The following PLPPR1 variants were observed in gnomAD, a reference collection of about 807,000 sequenced individuals.
PLPPR1 encodes the protein phospholipid phosphatase-related protein type 1.
PLPPR1 carries 10 observed loss-of-function variants against 33.1 expected under a neutral mutation model. The observed-to-expected ratio is 0.30, with a 90% CI of 0.19 to 0.51. The LOEUF is 0.51. Ranked by LOEUF, PLPPR1 falls within the 20% of genes least tolerant of loss-of-function variation. The pLI is 0.97. For missense variants in PLPPR1, 304 were observed against 408.1 expected (o/e 0.74, Z 2.20); for synonymous variants, 151 against 151.0 (o/e 1.00, Z 0.00).
At chr9:101,124,484 G>A (rs1390353961) in intron 1 of PLPPR1, among the ~76,000 whole-genome samples, 1 of 152,142 alleles carries the variant, frequency 6.6e-6, no homozygotes. Flanking sequence ...CATGGGGATT[G>A]CACCTACATG....
At chr9:101,237,662 A>G in intron 2 of PLPPR1, among the ~76,000 whole-genome samples, 1 of 144,682 alleles carries the variant, frequency 6.9e-6, no homozygotes, top group Non-Finnish European at 1.5e-5. Context: ...CACACACAAA[A>G]TTCCATCATA....
chr9:101,196,636 C>G (rs531979951), intron 2 of PLPPR1, among the ~76,000 whole-genome samples: 3,207 of 152,138 alleles, frequency 0.021, 117 homozygotes, highest in African/African-American at 0.074. Flanking sequence ...CCGAGGCGGG[C>G]GGATCACGAG....
chr9:101,224,560 C>T (rs937745770), intron 2 of PLPPR1, among the ~76,000 whole-genome samples: 1 of 152,020 alleles, frequency 6.6e-6, no homozygotes, highest in East Asian at 1.9e-4. Flanking sequence ...GCCCTGAGGC[C>T]TAGGGTTGGG....
chr9:101,158,318 A>G (rs1336820650), intron 1 of PLPPR1, among the ~76,000 whole-genome samples: 1 of 152,296 alleles, frequency 6.6e-6, no homozygotes, highest in East Asian at 1.9e-4. Context: ...GTTTCATCAC[A>G]GTGAGGAAAG....
At chr9:101,301,508 T>C (rs1828751655) in intron 4 of PLPPR1, among the ~76,000 whole-genome samples, 1 of 152,188 alleles carries the variant, frequency 6.6e-6, no homozygotes, top group Non-Finnish European at 1.5e-5. Context: ...TTCAGATTAA[T>C]TGACTTTAAT....
intron 3 of PLPPR1, among the ~76,000 whole-genome samples, chr9:101,275,288 CACTA>C (rs1360550418): frequency 6.6e-6 from 1 of 152,208 alleles, no homozygotes; most frequent in Non-Finnish European, 1.5e-5. Flanking sequence ...TGCAGATGTG[CACTA>C]ATGACCCCAT....
chr9:101,173,559 C>T (rs1761670152), intron 1 of PLPPR1, among the ~76,000 whole-genome samples: 1 of 152,090 alleles, frequency 6.6e-6, no homozygotes, highest in African/African-American at 2.4e-5. Context: ...TACAACAAGG[C>T]CCTGAGGTAA....
intron 1 of PLPPR1, among the ~76,000 whole-genome samples, chr9:101,144,993 A>G (rs1270139052): frequency 1.3e-5 from 2 of 152,122 alleles, no homozygotes; most frequent in African/African-American, 4.8e-5. Context: ...CCATGGTGAG[A>G]AAGTCCAGAC....
intron 2 of PLPPR1, among the ~76,000 whole-genome samples, chr9:101,202,035 G>A (rs903889084): frequency 2.0e-4 from 30 of 152,304 alleles, no homozygotes; most frequent in African/African-American, 7.2e-4. Context: ...TCAAACACAA[G>A]ATGCAAAATA....
In PLPPR1 at chr9:101,108,024, A is replaced by ACACACTGGCCTGCGCC. The variant is rs778893296; in HGVS notation, c.-45-77422_-45-77407dup. On this transcript the variant is annotated intron_variant, in intron 1 of 7. Coordinates refer to ENST00000374874, the MANE Select transcript of PLPPR1 (RefSeq NM_207299.2). ...GCTTCGGCTCGCGCACGGTGCGCGC[A>ACACACTGGCCTGCGCC]CACACTGGCCTGCGCCCACTGTCTG... Among the ~76,000 whole-genome samples the ACACACTGGCCTGCGCC allele has an allele frequency of 1.1e-4, 16 of 148,394 alleles. No individual in the cohort carries two copies. In the South Asian group the frequency reaches 1.3e-3, roughly 12 times the overall value.
chr9:101,303,626 C>T (rs549601536), intron 4 of PLPPR1, among the ~76,000 whole-genome samples: 15 of 152,122 alleles, frequency 9.9e-5, no homozygotes, highest in South Asian at 2.1e-4. Flanking sequence ...AGATTGAGAA[C>T]GAATGTTAAG....
At chr9:101,232,680 G>T (rs1422530278) in intron 2 of PLPPR1, among the ~76,000 whole-genome samples, 1 of 151,810 alleles carries the variant, frequency 6.6e-6, no homozygotes, top group African/African-American at 2.4e-5. Context: ...TTGCCTGCCT[G>T]CTGAGCTACA....
At chr9:101,282,181 C>G (rs1209116068) in intron 3 of PLPPR1, among the ~76,000 whole-genome samples, 2 of 152,132 alleles carry the variant, frequency 1.3e-5, no homozygotes, top group Non-Finnish European at 2.9e-5. Flanking sequence ...CCTAACAAAT[C>G]AAACTTAACA....
At chr9:101,290,877 T>A (rs1290183655) in intron 4 of PLPPR1, among the ~76,000 whole-genome samples, 1 of 152,244 alleles carries the variant, frequency 6.6e-6, no homozygotes, top group Non-Finnish European at 1.5e-5. Flanking sequence ...GGGTGATTTC[T>A]GCATTTCCAT....
At chr9:101,165,230 G>A (rs1347518984) in intron 1 of PLPPR1, among the ~76,000 whole-genome samples, 2 of 152,202 alleles carry the variant, frequency 1.3e-5, no homozygotes, top group Admixed American at 1.3e-4. Flanking sequence ...CTGGGCTTAA[G>A]AGGGTTTAAG....
intron 2 of PLPPR1, among the ~76,000 whole-genome samples, chr9:101,195,151 A>T (rs1826373850): frequency 6.6e-6 from 1 of 152,156 alleles, no homozygotes; most frequent in South Asian, 2.1e-4. Flanking sequence ...AAACAAACAA[A>T]CATGGTGATT....
chr9:101,289,622 T>C (rs1828457099), intron 4 of PLPPR1, among the ~76,000 whole-genome samples: 1 of 152,182 alleles, frequency 6.6e-6, no homozygotes, highest in South Asian at 2.1e-4. Flanking sequence ...AGTCTCAAAA[T>C]ATCTGATGGT....
intron 1 of PLPPR1, among the ~76,000 whole-genome samples, chr9:101,032,472 T>G (rs770510239): frequency 4.4e-4 from 67 of 152,202 alleles, no homozygotes; most frequent in Non-Finnish European, 9.3e-4. Flanking sequence ...CCTTCCTTCT[T>G]CTGTGTGCTC....
intron 1 of PLPPR1, among the ~76,000 whole-genome samples, chr9:101,090,667 G>A (rs1374881223): frequency 1.3e-5 from 2 of 151,972 alleles, no homozygotes; most frequent in Non-Finnish European, 2.9e-5. Flanking sequence ...GCAGTGAGCC[G>A]AGATCGTGCC....
Sources: gnomAD v4.1 joint callset for allele counts (sites outside exome capture counted in the v4.1 genomes callset) on GRCh38, gnomAD v4.1.1 for gene constraint, MANE v1.5 for transcripts, NCBI Gene and HGNC (gene_info 2026-07-23, HGNC 2026-07-21) for gene names.